The following SEC14L2 variants were observed in gnomAD, a reference collection of about 807,000 sequenced individuals.
SEC14L2 encodes the protein SEC14 like lipid binding 2, also known as SEC14-like protein 2.
SEC14L2 carries 50 observed loss-of-function variants against 56.9 expected under a neutral mutation model. That is an observed-to-expected ratio of 0.88 (90% CI 0.70 to 1.11). The LOEUF (loss-of-function observed/expected upper bound fraction) is 1.11, where lower values mean the gene tolerates loss of function less well. Among genes scored for constraint, SEC14L2 ranks in the 50% most tolerant of loss-of-function variants. The pLI is 0.00. For synonymous variants in SEC14L2, 179 were observed against 188.5 expected, an observed-to-expected ratio of 0.95 and a Z score of 0.41; for missense variants, 414 against 500.7, an observed-to-expected ratio of 0.83 and a Z score of 1.65.
intron 11 of SEC14L2, chr22:30,421,831 C>G (rs1325098575): frequency 3.2e-5 from 5 of 154,308 alleles, no homozygotes; most frequent in Admixed American, 3.2e-4. Flanking sequence ...CTGCTGAACT[C>G]GTAGAGTTGG....
intron 2 of SEC14L2, among the ~76,000 whole-genome samples, chr22:30,403,984 T>C (rs1934015197): frequency 8.7e-6 from 1 of 115,264 alleles, no homozygotes; most frequent in South Asian, 3.0e-4. Flanking sequence ...CAGTCCGGCC[T>C]GGGCGACAGA....
At chr22:30,403,746 G>A (rs546450652) in intron 2 of SEC14L2, among the ~76,000 whole-genome samples, 10 of 152,300 alleles carry the variant, frequency 6.6e-5, no homozygotes, top group South Asian at 2.1e-4. Context: ...GCTCACGCCT[G>A]TAATCCCAGC....
rs1934382300 is a variant in SEC14L2, at chr22:30,416,064, C to T, written c.888C>T (p.Ile296=). The T allele has an allele frequency of 6.2e-7, 1 of 1,614,250 alleles. No individual in the cohort carries two copies. Among genetic ancestry groups the T allele is most frequent in the South Asian group, 1.1e-5 (1 of 91,086 alleles). Residue 296 remains isoleucine (I), a synonymous_variant, in exon 10 of 12, where the codon ATC becomes ATT. Transcript: ENST00000615189. ...CCTCCCACCAAGTGGAGTATGAGAT[C>T]CTCTTCCCTGGCTGTGTCCTCAGGT... ...RGSSHQVEYE[I]LFPGCVLRWQ...
chr22:30,416,393 T>A lies in SEC14L2; in HGVS notation c.1071T>A (p.Asp357Glu). 6.2e-7 allele frequency: 1 copy of A among 1,614,248 alleles called. No homozygotes were observed. Among genetic ancestry groups the A allele is most frequent in the East Asian group, 2.2e-5 (1 of 44,890 alleles). ...VPEDGTLTCS[D>E]PGIYVLRFDN... ...AAGATGGGACCCTCACCTGCAGTGA[T>A]CCTGGCATCTGTAAGTATCTCTGCC... Residue 357 changes from aspartate to glutamate, a missense_variant, in exon 11 of 12, where the codon GAT becomes GAA. By Grantham distance (45) the Asp-to-Glu change is conservative (BLOSUM62 2). Coordinates refer to ENST00000615189, the MANE Select transcript of SEC14L2 (RefSeq NM_012429.5).
Position 30,416,420 on chromosome 22 carries a change from T to C in SEC14L2, c.1081+17T>C. 1 of 1,614,252 alleles carries C rather than the reference T, an allele frequency of 6.2e-7. No individual in the cohort carries two copies. The highest frequency in any genetic ancestry group is 1.3e-5 in the African/African-American group (1 of 75,070). Reference sequence around the variant, plus strand: ...CTGGCATCTGTAAGTATCTCTGCCTTGGCAATGCCTTGAAGCCCCATGTCC... The same window carrying C: ...CTGGCATCTGTAAGTATCTCTGCCTCGGCAATGCCTTGAAGCCCCATGTCC... On this transcript the variant is annotated intron_variant, in intron 11 of 11. Coordinates refer to ENST00000615189, the MANE Select transcript of SEC14L2 (RefSeq NM_012429.5).
chr22:30,413,371 G>GA (rs1351493071), intron 8 of SEC14L2, among the ~76,000 whole-genome samples: 1 of 152,142 alleles, frequency 6.6e-6, no homozygotes, highest in Non-Finnish European at 1.5e-5. Flanking sequence ...GCCAGCCAGG[G>GA]ACAGGCAGGA....
rs1418009200 is a variant in SEC14L2, at chr22:30,424,685, T to TCC, written c.*2279_*2280insCC. 4.4e-6 allele frequency: 2 copies of TCC among 456,342 alleles called. No homozygotes were observed. The highest frequency in any genetic ancestry group is 8.8e-6 in the Non-Finnish European group (2 of 226,894). The allele number at this position is 456,342 out of a possible 1,614,324, so 28.3% of individuals were successfully genotyped here. ...TTTTTGCAGACGTGGGAACTGGGGC[T>TCC]CAGGGAGGCTAACAGCCAGTAGGCG... is the stretch of plus-strand genomic sequence containing the variant. On this transcript the variant is annotated 3_prime_UTR_variant, in exon 12 of 12. Coordinates refer to ENST00000615189, the MANE Select transcript of SEC14L2 (RefSeq NM_012429.5).
intron 10 of SEC14L2, 29 bp from the exon 11 acceptor site, chr22:30,416,205 T>C (rs1265076029): frequency 1.2e-6 from 2 of 1,610,870 alleles, no homozygotes; most frequent in African/African-American, 2.7e-5. Context: ...CAGACAGAAT[T>C]ATGTCTCAAT....
Position 30,409,468 on chromosome 22 carries a change from C to T in SEC14L2, c.562C>T (p.Arg188Cys), listed in dbSNP as rs144995453. ...FEENYPETLKRLFVVKAPKLF... is the reference protein window; with the variant it reads ...FEENYPETLKCLFVVKAPKLF... ...GGAAAATTATCCCGAAACACTGAAG[C>T]GTCTTTTTGTTGTTAAAGGTAAGTT... Residue 188 changes from arginine (R) to cysteine (C), a missense_variant, in exon 7 of 12, where the codon CGT (arginine) becomes TGT (cysteine). Physicochemically the swap from Arg to Cys is radical, Grantham distance 180. Coordinates refer to ENST00000615189, the MANE Select transcript of SEC14L2 (RefSeq NM_012429.5). 7 of 1,614,136 alleles carry T rather than the reference C, an allele frequency of 4.3e-6. No individual in the cohort carries two copies. Among genetic ancestry groups the T allele is most frequent in the East Asian group, 4.5e-5 (2 of 44,888 alleles).
At chr22:30,420,661 G>C (rs1601789445) in intron 11 of SEC14L2, 1 of 152,334 alleles carries the variant, frequency 6.6e-6, no homozygotes, top group African/African-American at 2.4e-5. Flanking sequence ...CATGAGGAAA[G>C]AGTGGGTGGT....
chr22:30,407,871 G>A (rs1168977027), intron 5 of SEC14L2, among the ~76,000 whole-genome samples: 1 of 152,080 alleles, frequency 6.6e-6, no homozygotes, highest in Non-Finnish European at 1.5e-5. Flanking sequence ...ACCTGGCCGA[G>A]GCCCAGGCTT....
intron 1 of SEC14L2, chr22:30,398,583 T>C (rs1175146040): frequency 2.4e-6 from 1 of 420,240 alleles, no homozygotes; most frequent in East Asian, 7.2e-5. Flanking sequence ...TGGCACTACC[T>C]GCACTTTCCC....
At chr22:30,400,188 C>G (rs1163684460) in intron 2 of SEC14L2, 1 of 156,838 alleles carries the variant, frequency 6.4e-6, no homozygotes, top group Non-Finnish European at 1.4e-5. Context: ...GAGGGAGGGG[C>G]AGAGTGCATG....
chr22:30,414,421 G>A (rs1934333407), intron 8 of SEC14L2, among the ~76,000 whole-genome samples: 1 of 152,146 alleles, frequency 6.6e-6, no homozygotes, highest in Non-Finnish European at 1.5e-5. Flanking sequence ...ACAGAGGGGG[G>A]AGATTCACTC....
At chr22:30,397,215 C>G in intron 1 of SEC14L2, 45 bp downstream of exon 1, 6 of 1,453,822 alleles carry the variant, frequency 4.1e-6, no homozygotes, top group Non-Finnish European at 5.5e-6. Context: ...GGCTGTGGCC[C>G]TCGCCCTCCT....
intron 1 of SEC14L2, among the ~76,000 whole-genome samples, chr22:30,399,041 G>A (rs149850540): frequency 5.3e-5 from 8 of 152,290 alleles, no homozygotes; most frequent in South Asian, 2.1e-4. Flanking sequence ...CTACTATCAC[G>A]ATTAGCTGGG....
In SEC14L2 at chr22:30,409,198, G is replaced by A. The variant is rs1429636812; in HGVS notation, c.435G>A (p.Lys145=). Reference sequence around the variant, plus strand: ...TCTGTTCCCTGCAGTTGGGGAGGAAGGTGGAGACCATCACCATAATTTATG... The same window carrying A: ...TCTGTTCCCTGCAGTTGGGGAGGAAAGTGGAGACCATCACCATAATTTATG... ...CAHQTTKLGR[K]VETITIIYDC... The change falls in exon 6 of 12, where the codon AAG becomes AAA. Residue 145 remains lysine (K), a synonymous_variant. Coordinates refer to ENST00000615189, the MANE Select transcript of SEC14L2 (RefSeq NM_012429.5). 2 of 1,614,010 alleles carry A rather than the reference G, an allele frequency of 1.2e-6. No homozygotes were observed. Among genetic ancestry groups the A allele is most frequent in the East Asian group, 2.2e-5 (1 of 44,872 alleles).
chr22:30,405,031 T>C (rs187118841), intron 2 of SEC14L2, among the ~76,000 whole-genome samples: 405 of 151,552 alleles, frequency 2.7e-3, no homozygotes, highest in Middle Eastern at 6.8e-3. Flanking sequence ...GATTGCACCA[T>C]TACACTCCAG....
At position 30,409,479 on chromosome 22, in the gene SEC14L2, T is replaced by C. The variant is rs1934191165; in HGVS notation, c.573T>C (p.Val191=). The C allele has an allele frequency of 6.2e-7, 1 of 1,614,086 alleles. No individual in the cohort carries two copies. Residue 191 remains valine (V), a synonymous_variant, in exon 7 of 12, where the codon GTT becomes GTC. Transcript: ENST00000615189. The part of the protein sequence containing the change: ...NYPETLKRLF[V]VKAPKLFPVA... ...CCGAAACACTGAAGCGTCTTTTTGT[T>C]GTTAAAGGTAAGTTGGGAATTTCTT...
Sources: gnomAD v4.1 joint callset for allele counts (sites outside exome capture counted in the v4.1 genomes callset) on GRCh38, gnomAD v4.1.1 for gene constraint, MANE v1.5 for transcripts, NCBI Gene and HGNC (gene_info 2026-07-23, HGNC 2026-07-21) for gene names.